SLC2A9: variants seen among roughly 807,000 people sequenced by gnomAD.
The protein encoded by SLC2A9 is solute carrier family 2, facilitated glucose transporter member 9.
A neutral mutation model predicts 50.6 loss-of-function variants in SLC2A9; 39 were observed. The observed-to-expected ratio is 0.77, with a 90% CI of 0.60 to 1.01. The LOEUF (loss-of-function observed/expected upper bound fraction) is 1.01, where lower values mean the gene tolerates loss of function less well. Among genes scored for constraint, SLC2A9 ranks in the 50% least tolerant of loss-of-function variants. The pLI, the probability that SLC2A9 is intolerant of heterozygous loss-of-function variation, is 0.00. For missense variants in SLC2A9, 686 were observed against 677.6 expected (o/e 1.01, Z -0.14); for synonymous variants, 324 against 276.9 (o/e 1.17, Z -1.69).
chr4:9,900,562 T>A (rs1739412300), intron 8 of SLC2A9, among the ~76,000 whole-genome samples: 3 of 152,108 alleles, frequency 2.0e-5, no homozygotes, highest in Admixed American at 2.0e-4. Flanking sequence ...CTGACTCTGT[T>A]TCTTCCCTTC....
chr4:9,896,115 G>A (rs1738513449), intron 8 of SLC2A9, among the ~76,000 whole-genome samples: 1 of 152,126 alleles, frequency 6.6e-6, no homozygotes, highest in African/African-American at 2.4e-5. Context: ...TTTCTCTTGG[G>A]TAAATATGTA....
chr4:9,818,960 A>G (rs933387584), intron 3 of SLC2A9, among the ~76,000 whole-genome samples: 1 of 151,984 alleles, frequency 6.6e-6, no homozygotes, highest in Non-Finnish European at 1.5e-5. Flanking sequence ...GTCTCTACTA[A>G]AAATACAAAA....
At chr4:9,832,954 C>G (rs914185261) in intron 11 of SLC2A9, among the ~76,000 whole-genome samples, 1 of 152,198 alleles carries the variant, frequency 6.6e-6, no homozygotes, top group Non-Finnish European at 1.5e-5. Context: ...TAGTGGCCTG[C>G]TTCTCGGACA....
chr4:9,973,511 C>A (rs904477843), intron 5 of SLC2A9, among the ~76,000 whole-genome samples: 51 of 152,100 alleles, frequency 3.4e-4, no homozygotes, highest in East Asian at 3.9e-4. Context: ...CACATATACA[C>A]CATGGAATAC....
At chr4:9,979,100 G>C (rs1755274549) in intron 5 of SLC2A9, among the ~76,000 whole-genome samples, 1 of 152,110 alleles carries the variant, frequency 6.6e-6, no homozygotes, top group Admixed American at 6.5e-5. Context: ...ACACCAGTGT[G>C]ATCCATCCTT....
intron 1 of SLC2A9, chr4:10,019,288 A>G (rs930766614): frequency 1.7e-6 from 1 of 584,512 alleles, no homozygotes; most frequent in Non-Finnish European, 3.1e-6. Flanking sequence ...CCTCAGGTTT[A>G]GCGGCCACGC....
intron 10 of SLC2A9, among the ~76,000 whole-genome samples, chr4:9,854,010 A>G (rs999696787): frequency 2.0e-5 from 3 of 152,184 alleles, no homozygotes; most frequent in African/African-American, 7.2e-5. Flanking sequence ...TAAAAAAAAA[A>G]GTTCACAGTG....
intron 3 of SLC2A9, among the ~76,000 whole-genome samples, chr4:9,790,521 G>T (rs1719774415): frequency 6.6e-6 from 1 of 152,146 alleles, no homozygotes; most frequent in Admixed American, 6.5e-5. Context: ...GGAGTCCTGG[G>T]ATGAGAAAGA....
intron 3 of SLC2A9, among the ~76,000 whole-genome samples, chr4:9,987,195 C>T (rs1184004179): frequency 6.6e-6 from 1 of 152,226 alleles, no homozygotes; most frequent in Non-Finnish European, 1.5e-5. Context: ...TCTCTGCTCA[C>T]TGCAGTTTCC....
intron 3 of SLC2A9, among the ~76,000 whole-genome samples, chr4:9,813,724 G>T (rs1723178006): frequency 6.6e-6 from 1 of 152,152 alleles, no homozygotes; most frequent in South Asian, 2.1e-4. Flanking sequence ...TTCTATGGAA[G>T]TCAAAAGGAA....
downstream of SLC2A9, chr4:9,798,861 A>G (rs1720936660): frequency 6.6e-6 from 1 of 152,196 alleles, no homozygotes; most frequent in Non-Finnish European, 1.5e-5. Flanking sequence ...TTTCCTTTCT[A>G]GAAGATGGGG....
At chr4:9,843,215 T>C (rs1204743465) in intron 10 of SLC2A9, among the ~76,000 whole-genome samples, 6 of 152,122 alleles carry the variant, frequency 3.9e-5, no homozygotes, top group Non-Finnish European at 7.4e-5. Context: ...CAAAGGGGTG[T>C]GGACAAAGGG....
chr4:9,823,324 G>A (rs770003741), downstream of SLC2A9, among the ~76,000 whole-genome samples: 15 of 152,120 alleles, frequency 9.9e-5, no homozygotes, highest in African/African-American at 2.2e-4. Context: ...TGCTGTAAGC[G>A]GCTGGTACCT....
intron 3 of SLC2A9, chr4:9,783,084 C>T (rs748400899): frequency 5.6e-6 from 9 of 1,614,208 alleles, no homozygotes; most frequent in Non-Finnish European, 6.8e-6. Context: ...TGGGCTAACT[C>T]CTCACTCAAC....
At chr4:9,952,085 A>T (rs374505209) in intron 5 of SLC2A9, among the ~76,000 whole-genome samples, 2 of 152,308 alleles carry the variant, frequency 1.3e-5, no homozygotes, top group African/African-American at 4.8e-5. Flanking sequence ...CCACTTACTG[A>T]TTGTGAGATA....
chr4:9,791,936 T>C (rs1382735112), intron 3 of SLC2A9, among the ~76,000 whole-genome samples: 1 of 152,216 alleles, frequency 6.6e-6, no homozygotes, highest in Non-Finnish European at 1.5e-5. Context: ...ATAACTAATA[T>C]AGAAGAAAAG....
At chr4:9,841,693 T>TTC (rs911733459) in intron 10 of SLC2A9, among the ~76,000 whole-genome samples, 3 of 152,106 alleles carry the variant, frequency 2.0e-5, no homozygotes, top group African/African-American at 7.2e-5. Context: ...ATCTGGGTTC[T>TTC]TCTCTCTCTC....
rs181900390 is a variant in SLC2A9 at position 9,983,087 on chromosome 4, C to A, written c.536-2350G>T. Among the ~76,000 whole-genome samples, 860 of 152,270 alleles carry A rather than the reference C, an allele frequency of 5.6e-3. 5 individuals are homozygous for A. Among genetic ancestry groups the A allele is most frequent in the Non-Finnish European group, 8.5e-3 (580 of 68,014 alleles). ...TTCTCCATGTTGGTCAGGCTGCTCT[C>A]AAACTCCTGACCTCAGGTGATCCGC... On this transcript the variant is annotated intron_variant, in intron 4 of 11. Transcript: ENST00000264784.
intron 8 of SLC2A9, 28 bp from the exon 9 acceptor site, chr4:9,890,739 A>T: frequency 3.2e-6 from 5 of 1,564,372 alleles, no homozygotes; most frequent in African/African-American, 1.4e-5. Context: ...AGAGAGAGAG[A>T]GCTATTATTC....
Sources: allele counts gnomAD v4.1 joint callset (sites outside exome capture counted in the v4.1 genomes callset), GRCh38; gene constraint gnomAD v4.1.1; transcripts MANE v1.5; gene names NCBI Gene and HGNC (gene_info 2026-07-23, HGNC 2026-07-21).